EDNRB: variants seen among roughly 807,000 people sequenced by gnomAD.
The protein encoded by EDNRB is endothelin receptor type B, also known as Hirschsprung disease 2.
A neutral mutation model predicts 46.4 loss-of-function variants in EDNRB; 18 were observed. The ratio of observed to expected loss-of-function variants is 0.39; its 90% confidence interval spans 0.27 to 0.57. The LOEUF is 0.57. Among genes scored for constraint, EDNRB ranks in the 20% least tolerant of loss-of-function variants. The probability of loss-of-function intolerance (pLI) is 0.61; values close to 1 mark genes in which losing one functional copy is unlikely to be tolerated. For missense variants in EDNRB, 434 were observed against 537.5 expected, an observed-to-expected ratio of 0.81 and a Z score of 1.90; for synonymous variants, 213 against 204.9, an observed-to-expected ratio of 1.04 and a Z score of -0.34.
chr13:77,931,452 G>A (rs781230215), intron 1 of EDNRB, among the ~76,000 whole-genome samples: 5 of 152,084 alleles, frequency 3.3e-5, no homozygotes, highest in Non-Finnish European at 5.9e-5. Flanking sequence ...TAGCTGATCG[G>A]TGGGGGAATT....
At chr13:77,974,217 T>G (rs1881818864) in intron 1 of EDNRB, among the ~76,000 whole-genome samples, 1 of 152,170 alleles carries the variant, frequency 6.6e-6, no homozygotes, top group Non-Finnish European at 1.5e-5. Flanking sequence ...TATTTTTGAG[T>G]TAGTAAGCTA....
chr13:77,938,922 AG>A (rs1880649389), intron 1 of EDNRB, among the ~76,000 whole-genome samples: 1 of 152,196 alleles, frequency 6.6e-6, no homozygotes, highest in African/African-American at 2.4e-5. Flanking sequence ...AAAGAGCAGG[AG>A]GACAGGGGAT....
At chr13:77,913,673 A>G (rs1026430422) in intron 1 of EDNRB, among the ~76,000 whole-genome samples, 6 of 152,174 alleles carry the variant, frequency 3.9e-5, no homozygotes, top group African/African-American at 1.2e-4. Flanking sequence ...CTCCCAACCT[A>G]CAACCAAGTT....
intron 1 of EDNRB, among the ~76,000 whole-genome samples, chr13:77,972,133 T>C (rs1038262186): frequency 1.3e-5 from 2 of 152,142 alleles, no homozygotes; most frequent in African/African-American, 4.8e-5. Flanking sequence ...TGCCAGACTT[T>C]GGGATATAGC....
chr13:77,946,225 G>T (rs1456730955), intron 1 of EDNRB, among the ~76,000 whole-genome samples: 1 of 152,138 alleles, frequency 6.6e-6, no homozygotes, highest in East Asian at 1.9e-4. Context: ...AATCTCCTAG[G>T]ATAAGCTACA....
In EDNRB at chr13:77,958,043, G is replaced by T. The variant is rs188694512; in HGVS notation, c.-52+17304C>A. On this transcript the variant is annotated intron_variant, in intron 1 of 7. Coordinates refer to the EDNRB transcript ENST00000646948. ...CATGTGGAAGTTATTCCATTGACTA[G>T]AGCTGGGCTTCCTATTTTGGACCAA... Among the ~76,000 whole-genome samples the T allele has an allele frequency of 4.3e-4, 66 of 152,318 alleles. 2 individuals carry two copies. In the East Asian group the frequency reaches 6.7e-3, roughly 16 times the overall value.
Position 77,918,235 on chromosome 13 carries a change from C to A in EDNRB, c.339G>T (p.Val113=), listed in dbSNP as rs757657696. ...INTVVSCLVF[V]LGIIGNSTLL... ...GTGTGGAGTTCCCGATGATCCCCAG[C>A]ACGAACACAAGGCAGGACACAACCG... The change falls in exon 1 of 7, where the codon GTG becomes GTT. Residue 113 remains valine (V), a synonymous_variant. Transcript: ENST00000646607. This position sits in a 1 kb window ranked among gnomAD's most constrained non-coding sequence, Gnocchi z 4.5. 1.9e-6 allele frequency: 3 copies of A among 1,614,014 alleles called. No homozygotes were observed.
chr13:77,970,937 G>C (rs1024121636), intron 1 of EDNRB, among the ~76,000 whole-genome samples: 1 of 152,162 alleles, frequency 6.6e-6, no homozygotes, highest in African/African-American at 2.4e-5. Context: ...AGGAAAATGA[G>C]TCTTGTGATG....
At position 77,898,141 on chromosome 13, in the gene EDNRB, TTG is replaced by T; in HGVS notation, c.*57_*58del. On this transcript the variant is annotated 3_prime_UTR_variant, in exon 7 of 7. Transcript: ENST00000646607. ...GTTTTGTTTTGGCAAATGTTTCATT[TTG>T]TTTTAATGACTTCGGTCCAATATAA... The T allele has an allele frequency of 6.3e-7, 1 of 1,591,312 alleles. No individual in the cohort carries two copies. Among genetic ancestry groups the T allele is most frequent in the Non-Finnish European group, 8.6e-7 (1 of 1,167,968 alleles).
chr13:77,964,542 AC>A (rs201021754), intron 1 of EDNRB, among the ~76,000 whole-genome samples: 5,608 of 152,188 alleles, frequency 0.037, 131 homozygotes, highest in Non-Finnish European at 0.051. Flanking sequence ...AAAACCAAAC[AC>A]CGCATGTTCT....
At chr13:77,939,324 T>G (rs1188102370) in intron 1 of EDNRB, 1 of 152,188 alleles carries the variant, frequency 6.6e-6, no homozygotes, top group Non-Finnish European at 1.5e-5. Context: ...CATCTGGATG[T>G]GTACGTGCAG....
At chr13:77,919,417 G>C, upstream of EDNRB, 1 of 1,612,494 alleles carries the variant, frequency 6.2e-7, no homozygotes, top group South Asian at 1.1e-5. Flanking sequence ...TGACAAACCA[G>C]ATGCAGAGCG....
At chr13:77,906,257 A>G (rs1352008246) in intron 1 of EDNRB, among the ~76,000 whole-genome samples, 1 of 151,978 alleles carries the variant, frequency 6.6e-6, no homozygotes, top group East Asian at 1.9e-4. Context: ...CTTTGAACCC[A>G]TGTAGCTTTA....
At chr13:77,961,901 C>T (rs145291019) in intron 1 of EDNRB, among the ~76,000 whole-genome samples, 1 of 151,894 alleles carries the variant, frequency 6.6e-6, no homozygotes, top group Non-Finnish European at 1.5e-5. Flanking sequence ...ATAAAGAAGA[C>T]AAGAGAGAAG....
intron 1 of EDNRB, among the ~76,000 whole-genome samples, chr13:77,932,729 C>G (rs879380900): frequency 7.9e-5 from 12 of 152,186 alleles, no homozygotes; most frequent in African/African-American, 2.4e-4. Context: ...TATAAATAAT[C>G]AAGACCAAAA....
chr13:77,959,731 A>G (rs1032896858), intron 1 of EDNRB, among the ~76,000 whole-genome samples: 2 of 152,354 alleles, frequency 1.3e-5, no homozygotes, highest in African/African-American at 4.8e-5. Context: ...CAGATGATCA[A>G]ACTTCTCCGA....
intron 1 of EDNRB, among the ~76,000 whole-genome samples, chr13:77,957,990 T>G (rs1566337268): frequency 6.6e-6 from 1 of 152,198 alleles, no homozygotes; most frequent in Non-Finnish European, 1.5e-5. Flanking sequence ...AAATGTTGAG[T>G]GATTAATTTT....
In EDNRB at chr13:77,896,394, G is replaced by T. The variant is rs76025653; in HGVS notation, c.*1806C>A. On this transcript the variant is annotated 3_prime_UTR_variant, in exon 7 of 7. Coordinates refer to ENST00000646607, the MANE Select transcript of EDNRB (RefSeq NM_001122659.3). ...AAAAAGTGATTGGGATGAAATTAAA[G>T]AACAAGTTTGTGGGTGATTTATAAA... is the stretch of plus-strand genomic sequence containing the variant. 1 of 1,516,766 alleles carries T rather than the reference G, an allele frequency of 6.6e-7. No individual in the cohort carries two copies. Among genetic ancestry groups the T allele is most frequent in the South Asian group, 1.3e-5 (1 of 75,876 alleles). 94.0% of individuals were successfully genotyped at this position (1,516,766 alleles called of 1,614,324 possible).
Position 77,896,325 on chromosome 13 carries a change from T to A in EDNRB, c.*1875A>T. The A allele has an allele frequency of 9.9e-7, 1 of 1,011,518 alleles. No homozygotes were observed. Among genetic ancestry groups the A allele is most frequent in the East Asian group, 3.3e-5 (1 of 30,576 alleles). The allele number at this position is 1,011,518 out of a possible 1,614,324, so 62.7% of individuals were successfully genotyped here. ...AAATATTAGTGATTCAAAATTAATTTAAAATTGAGAGTCTAAAATGACTTC... is the reference window on the plus strand; with the variant it reads ...AAATATTAGTGATTCAAAATTAATTAAAAATTGAGAGTCTAAAATGACTTC... On this transcript the variant is annotated 3_prime_UTR_variant, in exon 7 of 7. Coordinates refer to ENST00000646607, the MANE Select transcript of EDNRB (RefSeq NM_001122659.3).
Sources: allele counts gnomAD v4.1 joint callset (sites outside exome capture counted in the v4.1 genomes callset), GRCh38; gene constraint gnomAD v4.1.1; non-coding constraint Gnocchi (gnomAD v3.1); transcripts MANE v1.5; gene names NCBI Gene and HGNC (gene_info 2026-07-23, HGNC 2026-07-21).